Variants in GLI2 observed in about 807,000 individuals in gnomAD.
The protein encoded by GLI2 is transcription activator GLI2.
A neutral mutation model predicts 78.9 loss-of-function variants in GLI2; 22 were observed. The observed-to-expected ratio is 0.28, with a 90% CI of 0.20 to 0.40. GLI2 has a LOEUF of 0.40. Among genes scored for constraint, GLI2 ranks in the 10% least tolerant of loss-of-function variants. GLI2 has a pLI of 1.00. For synonymous variants in GLI2, 974 were observed against 963.7 expected, an observed-to-expected ratio of 1.01 and a Z score of -0.20; for missense variants, 2,097 against 2,213.2, an observed-to-expected ratio of 0.95 and a Z score of 1.05.
intron 2 of GLI2, among the ~76,000 whole-genome samples, chr2:120,823,169 C>T (rs978745678): frequency 2.0e-5 from 3 of 152,332 alleles, no homozygotes; most frequent in Admixed American, 6.5e-5. Flanking sequence ...CGTTTGGTCC[C>T]GGACTTAATG....
intron 2 of GLI2, among the ~76,000 whole-genome samples, chr2:120,919,586 TG>T (rs1398254667): frequency 6.6e-6 from 1 of 152,222 alleles, no homozygotes; most frequent in East Asian, 1.9e-4. Context: ...GCCCACCCGG[TG>T]GGTGCAACAT....
rs979160529 is a variant in GLI2, at chr2:120,976,522, G to A, written c.1317+1413G>A. 5.3e-5 allele frequency among the ~76,000 whole-genome samples: 8 copies of A among 152,206 alleles called. No individual in the cohort carries two copies. The South Asian group carries it at 6.2e-4, about 12-fold the overall frequency. ...ACAAGCCCTAGATGGAGCAGGGACC[G>A]TGGAGCTGTGAGTTGCAGAACAAAT... is the stretch of plus-strand genomic sequence containing the variant. On this transcript the variant is annotated intron_variant, in intron 9 of 13. Transcript: ENST00000361492.
At chr2:120,851,114 T>C (rs1485942752) in intron 2 of GLI2, among the ~76,000 whole-genome samples, 1 of 152,176 alleles carries the variant, frequency 6.6e-6, no homozygotes, top group East Asian at 1.9e-4. Flanking sequence ...AAAAATCATA[T>C]GCAGGATTGC....
chr2:120,927,598 G>A (rs925830355), intron 3 of GLI2, 132 bp downstream of exon 3: 46 of 751,670 alleles, frequency 6.1e-5, no homozygotes, highest in African/African-American at 3.8e-4. Flanking sequence ...TGTCCTGAGC[G>A]GGCGATCACC....
At chr2:120,771,880 C>T (rs1435690962) in intron 1 of GLI2, among the ~76,000 whole-genome samples, 1 of 152,238 alleles carries the variant, frequency 6.6e-6, no homozygotes, top group Non-Finnish European at 1.5e-5. Context: ...CCAACGCCCA[C>T]GGTGCTTGCA....
chr2:120,739,056 C>T (rs1438317050), intron 1 of GLI2, among the ~76,000 whole-genome samples: 2 of 152,168 alleles, frequency 1.3e-5, no homozygotes, highest in East Asian at 3.9e-4. Context: ...TGGTCAGTGG[C>T]TCATTGCCTG....
At chr2:120,745,207 A>T (rs140607833) in intron 1 of GLI2, among the ~76,000 whole-genome samples, 5 of 152,242 alleles carry the variant, frequency 3.3e-5, no homozygotes, top group African/African-American at 1.2e-4. Context: ...ATGTTGGTTT[A>T]TGTGCTGTAG....
chr2:120,873,134 G>C (rs1191560752), intron 2 of GLI2, among the ~76,000 whole-genome samples: 1 of 152,192 alleles, frequency 6.6e-6, no homozygotes, highest in Non-Finnish European at 1.5e-5. Context: ...CCTGAGAATG[G>C]ATACTGTCAT....
Position 120,889,132 on chromosome 2 carries a change from T to C in GLI2, c.149-38229T>C, listed in dbSNP as rs1677559850. ...TCCTCCGAAAGAAGTGCGGTGGCCATAGTCTCCTCTTTTAGCCCTTTTCTG... is the reference window on the plus strand; with the variant it reads ...TCCTCCGAAAGAAGTGCGGTGGCCACAGTCTCCTCTTTTAGCCCTTTTCTG... On this transcript the variant is annotated intron_variant, in intron 2 of 13. Coordinates refer to ENST00000361492, the MANE Select transcript of GLI2 (RefSeq NM_001374353.1). 2.0e-5 allele frequency among the ~76,000 whole-genome samples: 3 copies of C among 152,326 alleles called. 1 individual carries two copies. The South Asian group carries it at 6.2e-4, about 32-fold the overall frequency.
intron 1 of GLI2, among the ~76,000 whole-genome samples, chr2:120,785,967 G>A (rs1359652919): frequency 2.0e-5 from 3 of 152,214 alleles, no homozygotes; most frequent in Admixed American, 6.5e-5. Flanking sequence ...CCGGGGGCTG[G>A]ATGAGATGAC....
chr2:120,776,671 G>A (rs1026896847), intron 1 of GLI2, among the ~76,000 whole-genome samples: 2 of 152,160 alleles, frequency 1.3e-5, no homozygotes, highest in Middle Eastern at 3.2e-3. Context: ...CTGGACTCTG[G>A]TTCTCCAGTC....
intron 13 of GLI2, among the ~76,000 whole-genome samples, chr2:120,987,036 C>T (rs577662999): frequency 2.6e-5 from 4 of 152,304 alleles, no homozygotes; most frequent in African/African-American, 4.8e-5. Context: ...TACTGCAGAA[C>T]GAGCCAGGTA....
At chr2:120,942,831 CTCAT>C (rs200772797) in intron 3 of GLI2, among the ~76,000 whole-genome samples, 6 of 145,912 alleles carry the variant, frequency 4.1e-5, no homozygotes, top group South Asian at 2.1e-4. Context: ...CACGCCCTCA[CTCAT>C]TCATTCATTC....
chr2:120,975,881 G>A (rs1381672264), intron 9 of GLI2, among the ~76,000 whole-genome samples: 12 of 152,202 alleles, frequency 7.9e-5, no homozygotes, highest in African/African-American at 2.9e-4. Context: ...CTCCACCTCT[G>A]TGAGCTTCAT....
intron 1 of GLI2, among the ~76,000 whole-genome samples, chr2:120,750,355 G>C (rs544045655): frequency 3.3e-5 from 5 of 152,278 alleles, no homozygotes; most frequent in Non-Finnish European, 5.9e-5. Context: ...GAGGGGGACT[G>C]TCCAGCTGTG....
chr2:120,765,879 CAG>C (rs1217234954), intron 1 of GLI2, among the ~76,000 whole-genome samples: 13 of 152,328 alleles, frequency 8.5e-5, no homozygotes, highest in African/African-American at 2.2e-4. Flanking sequence ...GCAGGAGACT[CAG>C]GGAATGAGAT....
chr2:120,984,492 C>T lies in GLI2; in HGVS notation c.1654C>T (p.Pro552Ser). 6.2e-7 allele frequency: 1 copy of T among 1,614,204 alleles called. No individual in the cohort carries two copies. Among genetic ancestry groups the T allele is most frequent in the African/African-American group, 1.3e-5 (1 of 75,054 alleles). The change falls in exon 12 of 14, where the codon CCA becomes TCA. Residue 552 changes from proline (P) to serine (S), a missense_variant. Physicochemically the swap from Pro to Ser is moderately conservative, Grantham distance 74 (BLOSUM62 -1). Around this residue, in one of 5 missense-constraint regions of GLI2, gnomAD observed 104 missense variants for 190.6 expected, o/e 0.55. Coordinates refer to ENST00000361492, the MANE Select transcript of GLI2 (RefSeq NM_001374353.1). Reference sequence around the variant, plus strand: ...CCAGAAACCCTACATCTGCAAGATCCCAGGCTGCACCAAGAGATACACAGA... The same window carrying T: ...CCAGAAACCCTACATCTGCAAGATCTCAGGCTGCACCAAGAGATACACAGA... ...SNEKPYICKI[P>S]GCTKRYTDPS...
At chr2:120,844,426 G>A (rs1687018832) in intron 2 of GLI2, among the ~76,000 whole-genome samples, 1 of 152,202 alleles carries the variant, frequency 6.6e-6, no homozygotes, top group Non-Finnish European at 1.5e-5. Context: ...CATTTCTTGT[G>A]TCTTTATAGT....
intron 2 of GLI2, among the ~76,000 whole-genome samples, chr2:120,908,652 C>G (rs144822473): frequency 6.6e-6 from 1 of 152,240 alleles, no homozygotes; most frequent in Non-Finnish European, 1.5e-5. Context: ...TGCTTGGGCC[C>G]CCTGGCTCCA....
Sources: allele counts gnomAD v4.1 joint callset (sites outside exome capture counted in the v4.1 genomes callset), GRCh38; gene constraint gnomAD v4.1.1; regional missense constraint gnomAD v4.1.1; transcripts MANE v1.5; gene names NCBI Gene and HGNC (gene_info 2026-07-23, HGNC 2026-07-21).